ASGR1: variants seen among roughly 807,000 people sequenced by gnomAD.
ASGR1 encodes C-type lectin domain family 4 member H1.
ASGR1 carries 35 observed loss-of-function variants against 33.1 expected under a neutral mutation model. The observed-to-expected ratio is 1.06, with a 90% CI of 0.81 to 1.40. The LOEUF (loss-of-function observed/expected upper bound fraction) is 1.40. Ranked by LOEUF, ASGR1 falls within the 40% of genes most tolerant of loss-of-function variation. The pLI is 0.00. For synonymous variants in ASGR1, 142 were observed against 152.5 expected, an observed-to-expected ratio of 0.93 and a Z score of 0.51; for missense variants, 396 against 373.7, an observed-to-expected ratio of 1.06 and a Z score of -0.49.
intron 5 of ASGR1, 46 bp downstream of exon 5, chr17:7,176,784 A>G (rs2069220499): frequency 6.4e-7 from 1 of 1,555,846 alleles, no homozygotes; most frequent in Non-Finnish European, 8.6e-7. Context: ...ACACATTCTC[A>G]CTCTCTTTCA....
chr17:7,177,426 T>G, intron 2 of ASGR1, 100 bp from the exon 3 acceptor site: 1 of 887,616 alleles, frequency 1.1e-6, no homozygotes, highest in Non-Finnish European at 1.7e-6. Context: ...CCTAGTAGTC[T>G]AGGAGGAACC....
At chr17:7,178,374 G>A (rs568084983) in intron 2 of ASGR1, 120 bp downstream of exon 2, 2 of 1,048,900 alleles carry the variant, frequency 1.9e-6, no homozygotes, top group African/African-American at 3.1e-5. Flanking sequence ...TCCCAGTGTT[G>A]GGGGAGGGAG....
chr17:7,176,894 A>AT lies in ASGR1; in HGVS notation c.290dup (p.Asn97LysfsTer22). On this transcript the variant is annotated frameshift_variant, in exon 5 of 9. Transcript: ENST00000269299. LOFTEE classifies it high-confidence loss of function. ...CTAGCGACTTCATCTTTCTTCCCAC[A>AT]TTGCCTCCTGCGGGAGAGGCTCGCT... The AT allele has an allele frequency of 6.2e-7, 1 of 1,612,814 alleles. No individual in the cohort carries two copies.
At chr17:7,174,094 T>G in intron 7 of ASGR1, 27 bp from the exon 8 acceptor site, 1 of 1,614,074 alleles carries the variant, frequency 6.2e-7, no homozygotes. Flanking sequence ...CGGGTGGTGA[T>G]CTCTCCGAGG....
Position 7,174,296 on chromosome 17 carries a change from G to T in ASGR1, c.443-7C>A. On this transcript the variant is annotated splice_region_variant and splice_polypyrimidine_tract_variant and intron_variant, in intron 6 of 8. Transcript: ENST00000269299. ...CAGCAGGTCCTTTCTGAGCCTGAGC[G>T]GGAGAAACGGGGCGCAGGGGCTAAG... is the stretch of plus-strand genomic sequence containing the variant. 6.2e-7 allele frequency: 1 copy of T among 1,613,674 alleles called. No homozygotes were observed. The highest frequency in any genetic ancestry group is 8.5e-7 in the Non-Finnish European group (1 of 1,179,738).
Position 7,177,195 on chromosome 17 carries a change from C to T in ASGR1, c.187+15G>A. The stretch of plus-strand genomic sequence containing the variant: ...CCCCCCAATGTTGCCCCCTTCCCAC[C>T]CCTGGGGCACCCACTTTGGGATCCG... On this transcript the variant is annotated intron_variant, in intron 3 of 8. Coordinates refer to ENST00000269299, the MANE Select transcript of ASGR1 (RefSeq NM_001671.5). 2 of 1,613,508 alleles carry T rather than the reference C, an allele frequency of 1.2e-6. No individual in the cohort carries two copies. Among genetic ancestry groups the T allele is most frequent in the Non-Finnish European group, 1.7e-6 (2 of 1,179,702 alleles).
intron 5 of ASGR1, among the ~76,000 whole-genome samples, chr17:7,175,311 CCTT>C (rs1373868616): frequency 4.3e-5 from 6 of 140,322 alleles, no homozygotes; most frequent in African/African-American, 1.9e-4. Flanking sequence ...ACACAACACA[CCTT>C]CACCCACGAC....
At chr17:7,178,440 G>A (rs1202491788) in intron 2 of ASGR1, 54 bp downstream of exon 2, 1 of 1,540,472 alleles carries the variant, frequency 6.5e-7, no homozygotes, top group African/African-American at 1.4e-5. Context: ...GTGGCTGGGG[G>A]GTGGAGAACC....
At chr17:7,177,500 G>A (rs1023872537) in intron 2 of ASGR1, 174 bp from the exon 3 acceptor site, 3 of 588,704 alleles carry the variant, frequency 5.1e-6, no homozygotes, top group Non-Finnish European at 6.0e-6. Context: ...GGAAATCGGG[G>A]AGAAAAGAGG....
chr17:7,177,202 G>T lies in ASGR1; in HGVS notation c.187+8C>A, dbSNP rs1269897820. 8 of 1,612,718 alleles carry T rather than the reference G, an allele frequency of 5.0e-6. No homozygotes were observed. In the South Asian group the frequency reaches 7.7e-5, roughly 16 times the overall value. On this transcript the variant is annotated splice_region_variant and intron_variant, in intron 3 of 8. Coordinates refer to ENST00000269299, the MANE Select transcript of ASGR1 (RefSeq NM_001671.5). Reference sequence around the variant, plus strand: ...ATGTTGCCCCCTTCCCACCCCTGGGGCACCCACTTTGGGATCCGATCACAC... The same window carrying T: ...ATGTTGCCCCCTTCCCACCCCTGGGTCACCCACTTTGGGATCCGATCACAC...
chr17:7,175,612 G>A (rs9908309), intron 5 of ASGR1, among the ~76,000 whole-genome samples: 4,474 of 149,994 alleles, frequency 0.03, 207 homozygotes, highest in African/African-American at 0.1. Flanking sequence ...TCTCACACAC[G>A]CAACACACTA....
chr17:7,176,864 G>T lies in ASGR1; in HGVS notation c.321C>A (p.Ser107=). 1 of 1,612,762 alleles carries T rather than the reference G, an allele frequency of 6.2e-7. No homozygotes were observed. Among genetic ancestry groups the T allele is most frequent in the Non-Finnish European group, 8.5e-7 (1 of 1,179,944 alleles). ...GGTCCTTCTGCTGTTTCTCCAGCTG[G>T]GACTCTAGCGACTTCATCTTTCTTC... ...NVGRKMKSLE[S]QLEKQQKDLS... is the part of the protein sequence containing the mutation. Residue 107 remains serine, a synonymous_variant, in exon 5 of 9, where the codon TCC becomes TCA. Transcript: ENST00000269299.
chr17:7,177,039 C>T lies in ASGR1; in HGVS notation c.225G>A (p.Glu75=), dbSNP rs770317021. The change falls in exon 4 of 9, where the codon GAG becomes GAA. Residue 75 remains glutamate, a synonymous_variant. Coordinates refer to ENST00000269299, the MANE Select transcript of ASGR1 (RefSeq NM_001671.5). ...QLQEELRGLR[E]TFSNFTASTE... Reference sequence around the variant, plus strand: ...TGCTCGCTGTGAAGTTGCTGAACGTCTCTCTCAGGCCCCGCAGCTCCTCCT... The same window carrying T: ...TGCTCGCTGTGAAGTTGCTGAACGTTTCTCTCAGGCCCCGCAGCTCCTCCT... 6.2e-7 allele frequency: 1 copy of T among 1,613,372 alleles called. No homozygotes were observed. The highest frequency in any genetic ancestry group is 8.5e-7 in the Non-Finnish European group (1 of 1,179,934).
rs2069226083 is a variant in ASGR1, at chr17:7,177,025, A to G, written c.239T>C (p.Phe80Ser). 1.2e-6 allele frequency: 2 copies of G among 1,607,340 alleles called. No individual in the cohort carries two copies. The highest frequency in any genetic ancestry group is 1.7e-5 in the Admixed American group (1 of 59,500). The change falls in exon 4 of 9, where the codon TTC becomes TCC. Residue 80 changes from phenylalanine to serine, a missense_variant. Coordinates refer to ENST00000269299, the MANE Select transcript of ASGR1 (RefSeq NM_001671.5). Reference protein sequence around the residue: ...LRGLRETFSNFTASTEAQVKG... With the variant: ...LRGLRETFSNSTASTEAQVKG... ...GACCTGGGCCTCCGTGCTCGCTGTG[A>G]AGTTGCTGAACGTCTCTCTCAGGCC...
chr17:7,174,634 T>C (rs867827623), intron 5 of ASGR1, among the ~76,000 whole-genome samples, 174 bp from the exon 6 acceptor site: 1 of 148,540 alleles, frequency 6.7e-6, no homozygotes. Flanking sequence ...CACACACTCC[T>C]ACACACACAA....
chr17:7,177,494 A>G, intron 2 of ASGR1, 168 bp from the exon 3 acceptor site: 1 of 587,330 alleles, frequency 1.7e-6, no homozygotes, highest in South Asian at 2.1e-5. Flanking sequence ...GCAACTGGAA[A>G]TCGGGGAGAA....
intron 5 of ASGR1, among the ~76,000 whole-genome samples, chr17:7,175,448 G>A (rs1330839940): frequency 3.1e-5 from 4 of 128,978 alleles, no homozygotes; most frequent in Non-Finnish European, 3.3e-5. Flanking sequence ...TTCACACAAC[G>A]CACACCCACA....
chr17:7,178,781 G>A (rs898861042), intron 1 of ASGR1, 193 bp from the exon 2 acceptor site: 12 of 444,824 alleles, frequency 2.7e-5, no homozygotes, highest in Non-Finnish European at 4.3e-5. Context: ...TCTGTCCCCA[G>A]GCCGGAGTGC....
chr17:7,175,641 A>C (rs981995073), intron 5 of ASGR1, among the ~76,000 whole-genome samples: 2 of 151,336 alleles, frequency 1.3e-5, no homozygotes, highest in Non-Finnish European at 2.9e-5. Flanking sequence ...GTTCTCACAT[A>C]CACTGACACA....
Sources: gnomAD v4.1 joint callset for allele counts (sites outside exome capture counted in the v4.1 genomes callset) on GRCh38, gnomAD v4.1.1 for gene constraint, MANE v1.5 for transcripts, NCBI Gene and HGNC (gene_info 2026-07-23, HGNC 2026-07-21) for gene names.